XYLT1: variants seen among roughly 807,000 people sequenced by gnomAD.
The protein encoded by XYLT1 is beta-D-xylosyltransferase 1.
A neutral mutation model predicts 91.3 loss-of-function variants in XYLT1; 36 were observed. The observed-to-expected ratio is 0.39, with a 90% CI of 0.30 to 0.52. XYLT1 has a LOEUF of 0.52. XYLT1 is among the 20% of genes least tolerant of loss of function. XYLT1 has a pLI of 0.68. For missense variants in XYLT1, 1,242 were observed against 1,284.5 expected, an observed-to-expected ratio of 0.97 and a Z score of 0.51; for synonymous variants, 588 against 532.0, an observed-to-expected ratio of 1.11 and a Z score of -1.45.
At chr16:17,274,968 A>T (rs1287809774) in intron 2 of XYLT1, among the ~76,000 whole-genome samples, 1 of 152,062 alleles carries the variant, frequency 6.6e-6, no homozygotes, top group Non-Finnish European at 1.5e-5. Flanking sequence ...CTTAAGCCCA[A>T]GAGTTCAAGA....
At chr16:17,241,252 C>T (rs561562547) in intron 3 of XYLT1, among the ~76,000 whole-genome samples, 14 of 152,322 alleles carry the variant, frequency 9.2e-5, no homozygotes, top group African/African-American at 2.9e-4. Flanking sequence ...CCTGTGTTCA[C>T]GGCAATAAAC....
intron 3 of XYLT1, among the ~76,000 whole-genome samples, chr16:17,235,824 T>C (rs1275955727): frequency 3.3e-5 from 5 of 152,192 alleles, no homozygotes; most frequent in African/African-American, 1.2e-4. Context: ...CAACCATCCC[T>C]AGCCTTTTAA....
At position 17,312,442 on chromosome 16, in the gene XYLT1, G is replaced by A. The variant is rs184547695; in HGVS notation, c.402+45570C>T. On this transcript the variant is annotated intron_variant, in intron 2 of 11. Coordinates refer to ENST00000261381, the MANE Select transcript of XYLT1 (RefSeq NM_022166.4). The surrounding 1 kb of genome is among the most constrained non-coding windows in gnomAD (Gnocchi z 4.4). Reference sequence around the variant, plus strand: ...GGGGTCTTGTCTCAGGGCCTTACCCGCATTAACATGTTTTTCTTTCTAACT... The same window carrying A: ...GGGGTCTTGTCTCAGGGCCTTACCCACATTAACATGTTTTTCTTTCTAACT... Among the ~76,000 whole-genome samples the A allele has an allele frequency of 6.6e-4, 101 of 152,202 alleles. 1 individual carries two copies. The highest frequency in any genetic ancestry group is 4.4e-3 in the East Asian group (23 of 5,186).
At chr16:17,274,700 G>C (rs2033946144) in intron 2 of XYLT1, among the ~76,000 whole-genome samples, 1 of 152,150 alleles carries the variant, frequency 6.6e-6, no homozygotes, top group Admixed American at 6.5e-5. Context: ...GCCTCATCTT[G>C]AGAAGAAAGG....
At chr16:17,267,267 G>A (rs1419305778) in intron 2 of XYLT1, among the ~76,000 whole-genome samples, 1 of 152,152 alleles carries the variant, frequency 6.6e-6, no homozygotes, top group Admixed American at 6.5e-5. Flanking sequence ...TGTAAGGTGG[G>A]GATTAACTAA....
At chr16:17,199,118 C>T (rs1235887320) in intron 4 of XYLT1, among the ~76,000 whole-genome samples, 1 of 152,142 alleles carries the variant, frequency 6.6e-6, no homozygotes, top group African/African-American at 2.4e-5. Context: ...TCCATCTAAA[C>T]CCATGTATAT....
At chr16:17,338,172 C>T (rs1211633452) in intron 2 of XYLT1, 3 of 456,482 alleles carry the variant, frequency 6.6e-6, no homozygotes, top group Non-Finnish European at 1.3e-5. Flanking sequence ...ACTGAATGTC[C>T]CCTTTTCTGA....
At chr16:17,199,483 C>G (rs773051109) in intron 4 of XYLT1, among the ~76,000 whole-genome samples, 2 of 152,150 alleles carry the variant, frequency 1.3e-5, no homozygotes, top group African/African-American at 2.4e-5. Flanking sequence ...AAAAAGTGTA[C>G]GCACTCCTGG....
chr16:17,356,994 G>A (rs903159264), intron 2 of XYLT1, among the ~76,000 whole-genome samples: 1 of 151,784 alleles, frequency 6.6e-6, no homozygotes, highest in East Asian at 1.9e-4. Flanking sequence ...GGCTAACACG[G>A]TGAAACCTCG....
At chr16:17,214,364 A>G (rs532165197) in intron 3 of XYLT1, among the ~76,000 whole-genome samples, 1 of 152,336 alleles carries the variant, frequency 6.6e-6, no homozygotes, top group Admixed American at 6.5e-5. Flanking sequence ...TCATCAGTAA[A>G]ATAGGGATAC....
At chr16:17,257,295 C>A (rs758204780) in intron 3 of XYLT1, among the ~76,000 whole-genome samples, 17 of 152,054 alleles carry the variant, frequency 1.1e-4, no homozygotes, top group Non-Finnish European at 1.9e-4. Context: ...GAAATCTAGG[C>A]CCTGAGAGCA....
chr16:17,256,390 C>A (rs927960228), intron 3 of XYLT1, among the ~76,000 whole-genome samples: 1 of 152,026 alleles, frequency 6.6e-6, no homozygotes, highest in Non-Finnish European at 1.5e-5. Context: ...CGGTGGCTCA[C>A]CCCTGTAATC....
chr16:17,204,684 T>C (rs2032607929), intron 3 of XYLT1, among the ~76,000 whole-genome samples: 1 of 152,174 alleles, frequency 6.6e-6, no homozygotes, highest in Non-Finnish European at 1.5e-5. Flanking sequence ...ACAGAGCTAT[T>C]ATCTTTCTAT....
chr16:17,200,713 G>A (rs764330375), intron 3 of XYLT1, 59 bp from the exon 4 acceptor site: 26 of 1,577,622 alleles, frequency 1.6e-5, no homozygotes, highest in Non-Finnish European at 2.1e-5. Context: ...CCTTTGCAGG[G>A]GTGGGAAGTT....
At chr16:17,464,072 G>C (rs2036855229) in intron 1 of XYLT1, among the ~76,000 whole-genome samples, 1 of 151,950 alleles carries the variant, frequency 6.6e-6, no homozygotes, top group Non-Finnish European at 1.5e-5. Flanking sequence ...AGGTGATTAG[G>C]GGAGTAGGGA....
intron 6 of XYLT1, among the ~76,000 whole-genome samples, chr16:17,157,645 G>A (rs1174140622): frequency 6.6e-6 from 1 of 152,156 alleles, no homozygotes; most frequent in Admixed American, 6.5e-5. Flanking sequence ...GCTAAACCAT[G>A]CACGTTAACA....
rs2141589675 is a variant in XYLT1, at chr16:17,200,662, A to T, written c.914-8T>A. 6.2e-7 allele frequency: 1 copy of T among 1,611,364 alleles called. No homozygotes were observed. The highest frequency in any genetic ancestry group is 8.5e-7 in the Non-Finnish European group (1 of 1,177,662). On this transcript the variant is annotated splice_region_variant and splice_polypyrimidine_tract_variant and intron_variant, in intron 3 of 11. Coordinates refer to ENST00000261381, the MANE Select transcript of XYLT1 (RefSeq NM_022166.4). ...CGTTCTTGTTGGCTTTACCTGGGGA[A>T]AATCCAAGAGAACAGAGAGGAGAAA... is the stretch of plus-strand genomic sequence containing the variant.
intron 5 of XYLT1, among the ~76,000 whole-genome samples, chr16:17,171,698 C>T (rs923117503): frequency 5.3e-5 from 8 of 152,236 alleles, no homozygotes; most frequent in South Asian, 2.1e-4. Context: ...CATAGATCAT[C>T]GGTTTTTAAG....
intron 3 of XYLT1, among the ~76,000 whole-genome samples, chr16:17,256,734 T>C (rs1366905253): frequency 6.6e-6 from 1 of 152,198 alleles, no homozygotes; most frequent in Non-Finnish European, 1.5e-5. Flanking sequence ...GCCATTCTCT[T>C]GCTGCACTTC....
Sources: gnomAD v4.1 joint callset for allele counts (sites outside exome capture counted in the v4.1 genomes callset) on GRCh38, gnomAD v4.1.1 for gene constraint, Gnocchi (gnomAD v3.1) non-coding constraint, MANE v1.5 for transcripts, NCBI Gene and HGNC (gene_info 2026-07-23, HGNC 2026-07-21) for gene names.